The following CNTN5 variants were observed in gnomAD, a reference collection of about 807,000 sequenced individuals.
The protein encoded by CNTN5 is contactin-5.
CNTN5 carries 77 observed loss-of-function variants against 129.1 expected under a neutral mutation model. The ratio of observed to expected loss-of-function variants is 0.60; its 90% CI spans 0.50 to 0.72. The LOEUF (loss-of-function observed/expected upper bound fraction) is 0.72. Among genes scored for constraint, CNTN5 ranks in the 30% least tolerant of loss-of-function variants. The probability of loss-of-function intolerance (pLI) is 0.00; values close to 1 mark genes in which losing one functional copy is unlikely to be tolerated. For missense variants in CNTN5, 1,478 were observed against 1,328.8 expected, an observed-to-expected ratio of 1.11 and a Z score of -1.75; for synonymous variants, 509 against 465.6, an observed-to-expected ratio of 1.09 and a Z score of -1.20.
At chr11:99,803,571 T>C (rs148146943) in intron 3 of CNTN5, among the ~76,000 whole-genome samples, 1 of 152,252 alleles carries the variant, frequency 6.6e-6, no homozygotes, top group East Asian at 1.9e-4. Flanking sequence ...GCCCACAGTT[T>C]TTGCTGGTGT....
chr11:99,793,228 G>T (rs1235854), intron 3 of CNTN5, among the ~76,000 whole-genome samples: 88,982 of 151,690 alleles, frequency 0.59, 26,726 homozygotes, highest in East Asian at 0.73. Flanking sequence ...CCCAACTAAT[G>T]TTTTGTATTT....
intron 1 of CNTN5, among the ~76,000 whole-genome samples, chr11:99,260,188 A>C (rs2135820775): frequency 6.6e-6 from 1 of 151,850 alleles, no homozygotes; most frequent in Non-Finnish European, 1.5e-5. Context: ...CATATTTCTT[A>C]ACTCTATTAA....
At chr11:100,233,287 A>C (rs1949533643) in intron 16 of CNTN5, among the ~76,000 whole-genome samples, 1 of 151,604 alleles carries the variant, frequency 6.6e-6, no homozygotes, top group African/African-American at 2.4e-5. Context: ...AGAGTAGGGT[A>C]AAAGGGAGGA....
At chr11:100,356,042 A>ACTAACG in intron 24 of CNTN5, 75 bp from the exon 25 acceptor site, 1 of 921,470 alleles carries the variant, frequency 1.1e-6, no homozygotes, top group Non-Finnish European at 1.7e-6. Flanking sequence ...TTAGTCTTAC[A>ACTAACG]TACTAAAAAC....
At chr11:99,152,588 T>C (rs1860118405) in intron 1 of CNTN5, among the ~76,000 whole-genome samples, 1 of 152,232 alleles carries the variant, frequency 6.6e-6, no homozygotes, top group Non-Finnish European at 1.5e-5. Flanking sequence ...AGTTTTACTA[T>C]TTTATTCAAC....
chr11:100,180,456 T>C (rs73562407), intron 13 of CNTN5, among the ~76,000 whole-genome samples: 4,711 of 152,048 alleles, frequency 0.031, 243 homozygotes, highest in African/African-American at 0.11. Flanking sequence ...CAACCTGTCT[T>C]ACATCTCCAC....
At chr11:100,254,888 A>G (rs1213126447) in intron 16 of CNTN5, among the ~76,000 whole-genome samples, 2 of 152,246 alleles carry the variant, frequency 1.3e-5, no homozygotes, top group African/African-American at 4.8e-5. Flanking sequence ...GAATGGAAGA[A>G]CTGGCATTGC....
chr11:99,172,876 T>A lies in CNTN5; in HGVS notation c.-210+151606T>A, dbSNP rs547725026. Among the ~76,000 whole-genome samples the A allele has an allele frequency of 2.6e-5, 4 of 152,312 alleles. 1 individual carries two copies. The highest frequency in any genetic ancestry group is 4.4e-5 in the Non-Finnish European group (3 of 68,028). On this transcript the variant is annotated intron_variant, in intron 1 of 24. Coordinates refer to ENST00000524871, the MANE Select transcript of CNTN5 (RefSeq NM_014361.4). The stretch of plus-strand genomic sequence containing the variant: ...TAGTAACTTATTTGAGATTTAAGTA[T>A]AATTCTTGTATTAGTCTGTTTTCAC...
At chr11:100,074,496 G>A (rs947141532) in intron 13 of CNTN5, 37 of 480,388 alleles carry the variant, frequency 7.7e-5, no homozygotes, top group Admixed American at 8.2e-5. Context: ...TGACTCCATG[G>A]GGTTTTAGCA....
intron 16 of CNTN5, among the ~76,000 whole-genome samples, chr11:100,236,284 T>C (rs2138665691): frequency 6.6e-6 from 1 of 152,278 alleles, no homozygotes; most frequent in Admixed American, 6.5e-5. Context: ...CTCCCAGAGC[T>C]GGCTGCTCTG....
intron 8 of CNTN5, among the ~76,000 whole-genome samples, chr11:99,977,623 G>T (rs1019734461): frequency 2.0e-5 from 3 of 152,170 alleles, no homozygotes; most frequent in Admixed American, 6.6e-5. Flanking sequence ...AGGTGGAAAT[G>T]CCACACCTTT....
At chr11:99,500,068 G>A (rs1263105276) in intron 2 of CNTN5, among the ~76,000 whole-genome samples, 1 of 152,126 alleles carries the variant, frequency 6.6e-6, no homozygotes, top group Non-Finnish European at 1.5e-5. Context: ...ATGGGGATCT[G>A]AAAGTTGGAG....
At chr11:100,147,008 A>C (rs1468152566) in intron 13 of CNTN5, among the ~76,000 whole-genome samples, 1 of 152,158 alleles carries the variant, frequency 6.6e-6, no homozygotes, top group African/African-American at 2.4e-5. Context: ...CTTTGCTAGC[A>C]TAATCCTCTG....
intron 16 of CNTN5, among the ~76,000 whole-genome samples, chr11:100,232,179 T>A (rs1265177982): frequency 4.0e-5 from 6 of 149,888 alleles, no homozygotes; most frequent in Non-Finnish European, 7.4e-5. Context: ...AAACAAAGAG[T>A]CTGTGAAGCA....
chr11:99,652,622 C>T (rs1211744941), intron 3 of CNTN5, among the ~76,000 whole-genome samples: 1 of 152,020 alleles, frequency 6.6e-6, no homozygotes, highest in Non-Finnish European at 1.5e-5. Context: ...CCTTGTCTAA[C>T]TTATTTGGTG....
At chr11:100,231,259 T>C in intron 16 of CNTN5, among the ~76,000 whole-genome samples, 1 of 152,110 alleles carries the variant, frequency 6.6e-6, no homozygotes, top group Non-Finnish European at 1.5e-5. Context: ...AAATGTTGAG[T>C]GTTTTAGAGG....
At chr11:99,241,800 A>G (rs921904406) in intron 1 of CNTN5, among the ~76,000 whole-genome samples, 5 of 152,182 alleles carry the variant, frequency 3.3e-5, no homozygotes, top group African/African-American at 1.2e-4. Flanking sequence ...TCTGTAGTAA[A>G]TAAATAGATT....
intron 3 of CNTN5, among the ~76,000 whole-genome samples, chr11:99,778,825 A>T (rs1271089257): frequency 6.6e-6 from 1 of 150,650 alleles, no homozygotes; most frequent in African/African-American, 2.4e-5. Context: ...TTCTGAATTT[A>T]ATTGAAATTA....
chr11:100,191,667 T>A (rs976283263), intron 14 of CNTN5, among the ~76,000 whole-genome samples: 2 of 152,000 alleles, frequency 1.3e-5, no homozygotes, highest in Non-Finnish European at 2.9e-5. Context: ...AGCAGGAGGA[T>A]ATGATGGAGG....
Sources: gnomAD v4.1 joint callset for allele counts (sites outside exome capture counted in the v4.1 genomes callset) on GRCh38, gnomAD v4.1.1 for gene constraint, MANE v1.5 for transcripts, NCBI Gene and HGNC (gene_info 2026-07-23, HGNC 2026-07-21) for gene names.